Variants in CSNK1G1 observed in about 807,000 individuals in gnomAD.
CSNK1G1 encodes casein kinase I isoform gamma-1.
CSNK1G1 carries 22 observed loss-of-function variants against 59.6 expected under a neutral mutation model. The ratio of observed to expected loss-of-function variants is 0.37; its 90% CI spans 0.26 to 0.53. The LOEUF (loss-of-function observed/expected upper bound fraction) is 0.53. CSNK1G1 is among the 20% of genes least tolerant of loss of function. CSNK1G1 has a pLI of 0.89. For synonymous variants in CSNK1G1, 179 were observed against 177.1 expected (o/e 1.01, Z -0.08); for missense variants, 384 against 519.5 (o/e 0.74, Z 2.54).
At chr15:64,343,529 C>T (rs568345961) in intron 1 of CSNK1G1, among the ~76,000 whole-genome samples, 1 of 152,180 alleles carries the variant, frequency 6.6e-6, no homozygotes, top group African/African-American at 2.4e-5. Flanking sequence ...CCAAGTGATT[C>T]TAAGGAGCAG....
chr15:64,286,241 C>A lies in CSNK1G1; in HGVS notation c.181+14078G>T, dbSNP rs573068159. 1.7e-4 allele frequency among the ~76,000 whole-genome samples: 26 copies of A among 151,556 alleles called. No individual in the cohort carries two copies. The South Asian group carries it at 5.4e-3, about 31-fold the overall frequency. On this transcript the variant is annotated intron_variant, in intron 2 of 11. Transcript: ENST00000303052. ...CATTTGCCAATTCCAGCAGAGATAT[C>A]ACTCTTTCTAAGCTACATTGGAAGA...
intron 2 of CSNK1G1, among the ~76,000 whole-genome samples, chr15:64,278,273 C>T (rs530910024): frequency 3.5e-4 from 53 of 151,534 alleles, no homozygotes; most frequent in Non-Finnish European, 6.8e-4. Flanking sequence ...TCTCAAACTA[C>T]TGACCTCAGG....
At chr15:64,265,107 T>C (rs1477128579) in intron 2 of CSNK1G1, among the ~76,000 whole-genome samples, 1 of 152,130 alleles carries the variant, frequency 6.6e-6, no homozygotes, top group Non-Finnish European at 1.5e-5. Flanking sequence ...ATCATATATA[T>C]AGAAAATCCC....
At chr15:64,351,602 G>A (rs938037653) in intron 1 of CSNK1G1, among the ~76,000 whole-genome samples, 1 of 152,212 alleles carries the variant, frequency 6.6e-6, no homozygotes, top group African/African-American at 2.4e-5. Flanking sequence ...TATCGGGCCA[G>A]GCACGGTGGC....
At chr15:64,245,914 A>C (rs548617041) in intron 4 of CSNK1G1, among the ~76,000 whole-genome samples, 1 of 152,368 alleles carries the variant, frequency 6.6e-6, no homozygotes, top group Non-Finnish European at 1.5e-5. Flanking sequence ...GATCTCATAT[A>C]GAATGATGGT....
intron 3 of CSNK1G1, among the ~76,000 whole-genome samples, chr15:64,251,815 C>A (rs1004749611): frequency 1.3e-5 from 2 of 152,126 alleles, no homozygotes; most frequent in African/African-American, 4.8e-5. Context: ...TTTGCATGAG[C>A]TATCATTCAA....
At chr15:64,211,462 G>T (rs1214812204) in intron 6 of CSNK1G1, among the ~76,000 whole-genome samples, 2 of 152,120 alleles carry the variant, frequency 1.3e-5, no homozygotes, top group Non-Finnish European at 2.9e-5. Flanking sequence ...GAAAAACTCT[G>T]GTACTCAGTA....
At chr15:64,230,529 C>T (rs2082532712) in intron 4 of CSNK1G1, among the ~76,000 whole-genome samples, 1 of 152,142 alleles carries the variant, frequency 6.6e-6, no homozygotes, top group African/African-American at 2.4e-5. Flanking sequence ...AAGTCCTGGG[C>T]TCGAGCAGTT....
rs556993346 is a variant in CSNK1G1, at chr15:64,242,872, G to C, written c.292+8640C>G. Among the ~76,000 whole-genome samples, 3 of 152,170 alleles carry C rather than the reference G, an allele frequency of 2.0e-5. No homozygotes were observed. In the South Asian group the frequency reaches 6.2e-4, roughly 32 times the overall value. On this transcript the variant is annotated intron_variant, in intron 4 of 11. Transcript: ENST00000303052. ...ACCAAATCCAACAATGTATAAAAAA[G>C]ATAATTCACCATGATCAAGTGGGAT...
chr15:64,172,129 TGGAGGCAGTGGGCA>T, intron 11 of CSNK1G1, 144 bp from the exon 12 acceptor site: 2 of 709,012 alleles, frequency 2.8e-6, no homozygotes, highest in East Asian at 5.1e-5. Flanking sequence ...GTGCACGCAC[TGGAGGCAGTGGGCA>T]GTGTCTGCCA....
intron 1 of CSNK1G1, among the ~76,000 whole-genome samples, chr15:64,347,325 T>A (rs547065533): frequency 2.6e-5 from 4 of 152,304 alleles, no homozygotes; most frequent in South Asian, 4.1e-4. Flanking sequence ...AAACTTTTAA[T>A]GATAGAAAAA....
intron 4 of CSNK1G1, among the ~76,000 whole-genome samples, chr15:64,233,700 T>A (rs1031774523): frequency 2.6e-5 from 4 of 152,166 alleles, no homozygotes; most frequent in African/African-American, 9.7e-5. Context: ...CAGGATTTTG[T>A]TTTTGTTTTT....
rs370332035 is a variant in CSNK1G1 at position 64,295,858 on chromosome 15, T to C, written c.181+4461A>G. On this transcript the variant is annotated intron_variant, in intron 2 of 11. Transcript: ENST00000303052. The stretch of plus-strand genomic sequence containing the variant: ...GATAAAGTCCAAATGCTTTAATATA[T>C]GCAAACACTTCACAATTTCGTCCCA... Among the ~76,000 whole-genome samples, 4 of 152,332 alleles carry C rather than the reference T, an allele frequency of 2.6e-5. No individual in the cohort carries two copies. In the East Asian group the frequency reaches 7.7e-4, roughly 29 times the overall value.
chr15:64,340,749 C>T (rs965649982), intron 1 of CSNK1G1, among the ~76,000 whole-genome samples: 8 of 152,170 alleles, frequency 5.3e-5, no homozygotes, highest in Non-Finnish European at 1.0e-4. Context: ...AGCCCAGGAG[C>T]TCAAGACCAG....
intron 11 of CSNK1G1, among the ~76,000 whole-genome samples, chr15:64,173,493 G>A (rs1005912948): frequency 6.6e-6 from 1 of 152,064 alleles, no homozygotes; most frequent in Non-Finnish European, 1.5e-5. Flanking sequence ...TATGTATTTG[G>A]AAACTAAATT....
chr15:64,206,764 G>A (rs1044549477), intron 7 of CSNK1G1, among the ~76,000 whole-genome samples: 2 of 152,072 alleles, frequency 1.3e-5, no homozygotes, highest in African/African-American at 4.8e-5. Context: ...ACCTAAGGAA[G>A]GCTATTTAAA....
intron 1 of CSNK1G1, among the ~76,000 whole-genome samples, chr15:64,325,889 C>A (rs1040151130): frequency 3.3e-5 from 5 of 152,204 alleles, no homozygotes; most frequent in Non-Finnish European, 7.3e-5. Context: ...AGTTCAAACT[C>A]ATATCTGCCC....
At chr15:64,181,539 A>G in intron 10 of CSNK1G1, 3 of 1,027,534 alleles carry the variant, frequency 2.9e-6, no homozygotes, top group Non-Finnish European at 4.1e-6. Context: ...TGATGAGAGA[A>G]TTATACAAGA....
At chr15:64,283,127 C>T (rs941191164) in intron 2 of CSNK1G1, among the ~76,000 whole-genome samples, 2 of 152,056 alleles carry the variant, frequency 1.3e-5, no homozygotes, top group African/African-American at 2.4e-5. Context: ...CTCATGTAAC[C>T]AAACACCATC....
Sources: gnomAD v4.1 joint callset for allele counts (sites outside exome capture counted in the v4.1 genomes callset) on GRCh38, gnomAD v4.1.1 for gene constraint, MANE v1.5 for transcripts, NCBI Gene and HGNC (gene_info 2026-07-23, HGNC 2026-07-21) for gene names.